Variants in CIMIP2A observed in about 807,000 individuals in gnomAD.
The protein encoded by CIMIP2A is ciliary microtubule inner protein 2A.
At chr9:137,243,644 C>G in the CIMIP2A span, 1 of 1,614,010 alleles carries the variant, frequency 6.2e-7, no homozygotes, top group Non-Finnish European at 8.5e-7. Flanking sequence ...ACTGTGTGCA[C>G]TTGCTGTTTT....
At chr9:137,243,786 T>C in the CIMIP2A span, 2 of 1,613,990 alleles carry the variant, frequency 1.2e-6, no homozygotes, top group East Asian at 2.2e-5. Flanking sequence ...TTGTCCTGCA[T>C]GGCTGCGGGG....
the CIMIP2A span, chr9:137,245,330 A>C: frequency 6.3e-7 from 1 of 1,595,302 alleles, no homozygotes; most frequent in South Asian, 1.1e-5. Flanking sequence ...GGGGCCTCGC[A>C]AACAGGAGTG....
the CIMIP2A span, among the ~76,000 whole-genome samples, chr9:137,246,311 T>C: frequency 3.9e-5 from 6 of 152,152 alleles, no homozygotes; most frequent in African/African-American, 1.2e-4. Context: ...AGGAGGCCAG[T>C]AGCCTCCTGC....
chr9:137,252,409 C>A, the CIMIP2A span: 1 of 1,601,022 alleles, frequency 6.2e-7, no homozygotes, highest in Non-Finnish European at 8.5e-7. Context: ...GGCTCCCAGC[C>A]TTCTCTCTCT....
At chr9:137,253,233 C>T in the CIMIP2A span, 2 of 1,607,774 alleles carry the variant, frequency 1.2e-6, no homozygotes, top group South Asian at 1.1e-5. Flanking sequence ...CAGGCCCCTT[C>T]TGCACGCTCT....
At chr9:137,243,690 T>A in the CIMIP2A span, 1 of 1,614,072 alleles carries the variant, frequency 6.2e-7, no homozygotes, top group Non-Finnish European at 8.5e-7. Context: ...ACACCACCAT[T>A]AAAGCATTTT....
the CIMIP2A span, chr9:137,252,941 G>T: frequency 1.2e-6 from 2 of 1,600,644 alleles, no homozygotes; most frequent in Non-Finnish European, 1.7e-6. Flanking sequence ...CCGCTCCCCT[G>T]CGTTCACCTC....
chr9:137,243,664 C>T, the CIMIP2A span: 2 of 1,613,986 alleles, frequency 1.2e-6, no homozygotes, highest in Non-Finnish European at 1.7e-6. Context: ...TCCCTGTCCA[C>T]ATCCATGCTG....
At chr9:137,252,107 C>A in the CIMIP2A span, 4 of 1,612,100 alleles carry the variant, frequency 2.5e-6, no homozygotes, top group East Asian at 4.5e-5. Flanking sequence ...ACCCCCACTA[C>A]AGCATCGGCT....
chr9:137,245,314 T>G, the CIMIP2A span: 1 of 1,586,102 alleles, frequency 6.3e-7, no homozygotes, highest in Admixed American at 1.7e-5. Flanking sequence ...TGCCTGGTGC[T>G]GCCTGGGGGC....
At chr9:137,247,599 C>T in the CIMIP2A span, 1 of 1,527,626 alleles carries the variant, frequency 6.5e-7, no homozygotes, top group Non-Finnish European at 9.0e-7. Flanking sequence ...CCTCAGGCCC[C>T]AGCCATTCTC....
chr9:137,245,546 A>G, the CIMIP2A span: 1 of 1,613,614 alleles, frequency 6.2e-7, no homozygotes, highest in Non-Finnish European at 8.5e-7. Flanking sequence ...AAGTTCTTAG[A>G]GGGCTTCAGA....
At chr9:137,244,864 GTC>G in the CIMIP2A span, 3 of 1,565,586 alleles carry the variant, frequency 1.9e-6, no homozygotes, top group Non-Finnish European at 2.6e-6. Flanking sequence ...GTTGGCGACT[GTC>G]TGATGTGGCC....
chr9:137,245,012 TC>T, the CIMIP2A span: 5 of 1,609,162 alleles, frequency 3.1e-6, no homozygotes, highest in South Asian at 5.5e-5. Context: ...TGTGGCAGCC[TC>T]CTCAGGGGCT....
chr9:137,244,338 G>A, the CIMIP2A span: 1 of 1,597,760 alleles, frequency 6.3e-7, no homozygotes, highest in African/African-American at 1.3e-5. Flanking sequence ...CAGGCAAACA[G>A]ATAGTCAAGT....
At chr9:137,247,220 G>A in the CIMIP2A span, among the ~76,000 whole-genome samples, 2 of 152,254 alleles carry the variant, frequency 1.3e-5, no homozygotes, top group African/African-American at 2.4e-5. Flanking sequence ...GGGAGGCAGA[G>A]GTTGCGGTAA....
the CIMIP2A span, chr9:137,252,056 G>T: frequency 6.2e-7 from 1 of 1,613,124 alleles, no homozygotes; most frequent in Non-Finnish European, 8.5e-7. Flanking sequence ...GCCCCACCAG[G>T]TACCAGGTGC....
chr9:137,247,878 GTGAGACAC>G, the CIMIP2A span: 1 of 670,410 alleles, frequency 1.5e-6, no homozygotes, highest in Non-Finnish European at 2.6e-6. Context: ...CATTGCACAG[GTGAGACAC>G]TGAGGCCCAG....
the CIMIP2A span, chr9:137,243,603 T>G: frequency 6.2e-7 from 1 of 1,613,298 alleles, no homozygotes; most frequent in East Asian, 2.2e-5. Flanking sequence ...GAACTCTTTA[T>G]TCACTCCCAG....
Sources: gnomAD v4.1 joint callset for allele counts (sites outside exome capture counted in the v4.1 genomes callset) on GRCh38, gnomAD v4.1.1 for gene constraint, MANE v1.5 for transcripts, NCBI Gene and HGNC (gene_info 2026-07-23, HGNC 2026-07-21) for gene names.